DNAAF9: variants seen among roughly 807,000 people sequenced by gnomAD.
DNAAF9 encodes shulin.
In DNAAF9, 90 loss-of-function variants were observed where a neutral mutation model predicts 167.0. The ratio of observed to expected loss-of-function variants is 0.54; its 90% CI spans 0.45 to 0.64. The LOEUF (loss-of-function observed/expected upper bound fraction) is 0.64, where lower values mean the gene tolerates loss of function less well. Among genes scored for constraint, DNAAF9 ranks in the 30% least tolerant of loss-of-function variants. The pLI, the probability that DNAAF9 is intolerant of heterozygous loss-of-function variation, is 0.00. For missense variants in DNAAF9, 1,315 were observed against 1,442.2 expected, an observed-to-expected ratio of 0.91 and a Z score of 1.43; for synonymous variants, 491 against 508.8, an observed-to-expected ratio of 0.96 and a Z score of 0.47.
rs2069506820 is a variant in DNAAF9, at chr20:3,316,740, T to C, written c.1522A>G (p.Arg508Gly). 1.2e-6 allele frequency: 2 copies of C among 1,613,618 alleles called. No individual in the cohort carries two copies. Among genetic ancestry groups the C allele is most frequent in the Non-Finnish European group, 1.7e-6 (2 of 1,179,606 alleles). The part of the protein sequence containing the change: ...SSVVLTAAVP[R>G]FCSWLVEDNE... ...ACACTAACCAGCCAGGAGCAGAATCTGGGTACAGCAGCAGTCAGGACTACG... is the reference window on the plus strand; with the variant it reads ...ACACTAACCAGCCAGGAGCAGAATCCGGGTACAGCAGCAGTCAGGACTACG... Residue 508 changes from arginine (R) to glycine (G), a missense_variant, in exon 18 of 37, where the codon AGA (arginine) becomes GGA (glycine). This residue lies in a region of DNAAF9 where 981 missense variants were observed against 1,012.5 expected (regional missense o/e 0.97). Coordinates refer to ENST00000252032, the MANE Select transcript of DNAAF9 (RefSeq NM_001009984.3).
At chr20:3,364,904 C>T (rs1373064519) in intron 6 of DNAAF9, among the ~76,000 whole-genome samples, 1 of 150,386 alleles carries the variant, frequency 6.6e-6, no homozygotes, top group Non-Finnish European at 1.5e-5. Context: ...CTTTCCTTTC[C>T]TTCTTTTCTC....
chr20:3,349,183 C>T (rs1483387681), intron 7 of DNAAF9, among the ~76,000 whole-genome samples: 11 of 105,466 alleles, frequency 1.0e-4, no homozygotes, highest in Non-Finnish European at 2.0e-4. Flanking sequence ...GATGAGACCT[C>T]GTCTCTACCA....
intron 20 of DNAAF9, among the ~76,000 whole-genome samples, chr20:3,312,175 A>G (rs963322061): frequency 2.6e-5 from 4 of 151,918 alleles, no homozygotes; most frequent in African/African-American, 9.7e-5. Context: ...GTTAGTAGAG[A>G]CGGGGTTTCT....
intron 6 of DNAAF9, among the ~76,000 whole-genome samples, chr20:3,369,513 A>T (rs1411166776): frequency 6.6e-6 from 1 of 151,948 alleles, no homozygotes; most frequent in Non-Finnish European, 1.5e-5. Flanking sequence ...GGTAGCTGGG[A>T]CTACAGGCGT....
intron 3 of DNAAF9, among the ~76,000 whole-genome samples, chr20:3,380,518 T>C (rs2083634377): frequency 6.6e-6 from 1 of 152,180 alleles, no homozygotes. Context: ...CTGGCCTCTA[T>C]CCACTAGATG....
intron 16 of DNAAF9, among the ~76,000 whole-genome samples, chr20:3,319,624 C>T (rs1203331666): frequency 1.3e-5 from 2 of 151,980 alleles, no homozygotes; most frequent in Non-Finnish European, 2.9e-5. Context: ...CACATATTGT[C>T]GTCCTAGCCT....
At chr20:3,312,609 T>C (rs1383253961) in intron 20 of DNAAF9, among the ~76,000 whole-genome samples, 1 of 152,104 alleles carries the variant, frequency 6.6e-6, no homozygotes, top group Non-Finnish European at 1.5e-5. Context: ...AAGGCAGATT[T>C]ATAAAGACAA....
chr20:3,256,794 A>G (rs1401934930), intron 33 of DNAAF9, among the ~76,000 whole-genome samples: 8 of 152,202 alleles, frequency 5.3e-5, no homozygotes, highest in Non-Finnish European at 1.2e-4. Context: ...AGGAAAAGCA[A>G]AGAAACCCCC....
intron 8 of DNAAF9, among the ~76,000 whole-genome samples, chr20:3,344,371 GT>G (rs1035586281): frequency 1.3e-5 from 2 of 151,532 alleles, no homozygotes; most frequent in Non-Finnish European, 1.5e-5. Context: ...AATATTTACT[GT>G]TTTTTTTCTG....
chr20:3,399,096 T>C (rs2083948504), intron 1 of DNAAF9, among the ~76,000 whole-genome samples: 1 of 152,226 alleles, frequency 6.6e-6, no homozygotes, highest in South Asian at 2.1e-4. Context: ...CTCCCAGTAC[T>C]TTCATGTAGC....
chr20:3,329,527 G>A (rs962560699), intron 12 of DNAAF9, among the ~76,000 whole-genome samples: 2 of 152,110 alleles, frequency 1.3e-5, no homozygotes, highest in African/African-American at 2.4e-5. Flanking sequence ...TCTTAATTTC[G>A]TTTCTCTAAT....
chr20:3,353,264 C>T (rs2070361642), intron 7 of DNAAF9, among the ~76,000 whole-genome samples: 1 of 151,998 alleles, frequency 6.6e-6, no homozygotes, highest in African/African-American at 2.4e-5. Flanking sequence ...CAAAGCCACC[C>T]ATCTCAGAGT....
chr20:3,354,914 C>A (rs2083263664), intron 7 of DNAAF9, among the ~76,000 whole-genome samples: 1 of 152,180 alleles, frequency 6.6e-6, no homozygotes. Flanking sequence ...ATGGTGATCA[C>A]CACTGTTGCT....
Position 3,306,854 on chromosome 20 carries a change from C to A in DNAAF9, c.1679-2311G>T, listed in dbSNP as rs1011649635. 7 of 970,692 alleles carry A rather than the reference C, an allele frequency of 7.2e-6. No individual in the cohort carries two copies. In the African/African-American group the frequency reaches 1.1e-4, roughly 15 times the overall value. The allele number at this position is 970,692 out of a possible 1,614,324, so 60.1% of individuals were successfully genotyped here. The stretch of plus-strand genomic sequence containing the variant: ...CACTCTCCTAAAACCACAACCCCAC[C>A]AACTCCTGCCACAAGATGACTCTAC... On this transcript the variant is annotated intron_variant, in intron 20 of 36. Coordinates refer to ENST00000252032, the MANE Select transcript of DNAAF9 (RefSeq NM_001009984.3).
At chr20:3,271,597 G>T (rs1419351630) in intron 29 of DNAAF9, among the ~76,000 whole-genome samples, 2 of 97,196 alleles carry the variant, frequency 2.1e-5, no homozygotes, top group Admixed American at 9.8e-5. Context: ...TTGCATTTTT[G>T]TTATTCAATA....
At chr20:3,296,808 G>C in intron 23 of DNAAF9, 53 bp downstream of exon 23, 2 of 1,132,784 alleles carry the variant, frequency 1.8e-6, no homozygotes, top group Non-Finnish European at 2.7e-6. Flanking sequence ...TGCAGAGAGA[G>C]CACACCCACA....
chr20:3,365,091 C>A (rs1600863982), intron 6 of DNAAF9, among the ~76,000 whole-genome samples: 1 of 152,062 alleles, frequency 6.6e-6, no homozygotes, highest in African/African-American at 2.4e-5. Flanking sequence ...CTGCCTCAGC[C>A]TCCAGAGTAG....
At chr20:3,356,832 C>A (rs899652619) in intron 7 of DNAAF9, among the ~76,000 whole-genome samples, 1 of 152,116 alleles carries the variant, frequency 6.6e-6, no homozygotes, top group Admixed American at 6.6e-5. Context: ...GACCAATCAC[C>A]TTCCATATGA....
chr20:3,352,023 T>C (rs2123149724), intron 7 of DNAAF9, among the ~76,000 whole-genome samples: 2 of 152,236 alleles, frequency 1.3e-5, no homozygotes, highest in East Asian at 3.9e-4. Flanking sequence ...CCTCCCAAAG[T>C]GCTGGGATTA....
Sources: gnomAD v4.1 joint callset for allele counts (sites outside exome capture counted in the v4.1 genomes callset) on GRCh38, gnomAD v4.1.1 for gene constraint, gnomAD v4.1.1 regional missense constraint, MANE v1.5 for transcripts, NCBI Gene and HGNC (gene_info 2026-07-23, HGNC 2026-07-21) for gene names.